The following SLC44A5 variants were observed in gnomAD, a reference collection of about 807,000 sequenced individuals.
SLC44A5 encodes the protein solute carrier family 44 member 5, also known as choline transporter-like protein 5.
SLC44A5 carries 57 observed loss-of-function variants against 101.8 expected under a neutral mutation model. The observed-to-expected ratio is 0.56, with a 90% CI of 0.45 to 0.70. SLC44A5 has a LOEUF of 0.70. Ranked by LOEUF, SLC44A5 falls within the 30% of genes least tolerant of loss-of-function variation. SLC44A5 has a pLI of 0.00. For missense variants in SLC44A5, 737 were observed against 853.1 expected (o/e 0.86, Z 1.70); for synonymous variants, 281 against 290.9 (o/e 0.97, Z 0.35).
chr1:75,306,834 A>G (rs1397451468), intron 4 of SLC44A5, among the ~76,000 whole-genome samples: 1 of 139,280 alleles, frequency 7.2e-6, no homozygotes, highest in Admixed American at 8.1e-5. Flanking sequence ...TCCCGGGTTC[A>G]CGCCATTCTC....
intron 2 of SLC44A5, among the ~76,000 whole-genome samples, chr1:75,481,432 C>T (rs906677677): frequency 3.6e-4 from 55 of 152,032 alleles, no homozygotes; most frequent in African/African-American, 1.3e-3. Context: ...AGAGCTTCTG[C>T]ACAGCAAAAG....
chr1:75,299,269 G>T, intron 5 of SLC44A5, among the ~76,000 whole-genome samples: 1 of 152,094 alleles, frequency 6.6e-6, no homozygotes, highest in Non-Finnish European at 1.5e-5. Context: ...TTAGCTTTGT[G>T]ATTTATGCTC....
rs183195250 is a variant in SLC44A5 at position 75,328,859 on chromosome 1, A to G, written c.101+10723T>C. Among the ~76,000 whole-genome samples the G allele has an allele frequency of 2.4e-3, 371 of 152,278 alleles. 1 individual carries two copies. The highest frequency in any genetic ancestry group is 8.6e-3 in the African/African-American group (357 of 41,556). ...TGCTCACGTGCTGTGATCCGCATGA[A>G]AAAGCTCCACCCTGGTTTCCTTTTA... On this transcript the variant is annotated intron_variant, in intron 4 of 23. Coordinates refer to ENST00000370859, the MANE Select transcript of SLC44A5 (RefSeq NM_001130058.2).
At chr1:75,325,824 A>G (rs1387161137) in intron 4 of SLC44A5, among the ~76,000 whole-genome samples, 1 of 149,692 alleles carries the variant, frequency 6.7e-6, no homozygotes, top group Non-Finnish European at 1.5e-5. Flanking sequence ...AGTGTTTCAA[A>G]TTTCAGATTT....
chr1:75,593,264 A>T (rs1674451830), intron 1 of SLC44A5, among the ~76,000 whole-genome samples: 1 of 152,122 alleles, frequency 6.6e-6, no homozygotes. Flanking sequence ...TCAGAGAAAT[A>T]CAAATCAAAA....
At chr1:75,590,982 C>T (rs1165501243) in intron 1 of SLC44A5, among the ~76,000 whole-genome samples, 1 of 152,138 alleles carries the variant, frequency 6.6e-6, no homozygotes, top group African/African-American at 2.4e-5. Context: ...TACAGCAGGA[C>T]TTTGGCGAGA....
intron 2 of SLC44A5, among the ~76,000 whole-genome samples, chr1:75,412,949 T>C (rs1237830540): frequency 1.3e-5 from 2 of 152,178 alleles, no homozygotes; most frequent in Admixed American, 1.3e-4. Flanking sequence ...AGAAGGTCAA[T>C]AGTAGCCTAA....
At chr1:75,292,002 A>T in intron 5 of SLC44A5, among the ~76,000 whole-genome samples, 1 of 136,470 alleles carries the variant, frequency 7.3e-6, no homozygotes, top group South Asian at 2.5e-4. Flanking sequence ...ACAGAGCGAG[A>T]CTCTGTCTCA....
intron 6 of SLC44A5, among the ~76,000 whole-genome samples, chr1:75,260,683 A>T (rs1438450199): frequency 6.6e-6 from 1 of 152,142 alleles, no homozygotes; most frequent in African/African-American, 2.4e-5. Context: ...CCTAATAGAC[A>T]TCTACAAAAC....
chr1:75,385,305 C>G (rs1177117191), intron 3 of SLC44A5, among the ~76,000 whole-genome samples: 3 of 143,880 alleles, frequency 2.1e-5, no homozygotes, highest in South Asian at 2.3e-4. Context: ...ATTGATAGAC[C>G]GCTAGCAAGA....
At chr1:75,330,302 C>T (rs1656952141) in intron 4 of SLC44A5, among the ~76,000 whole-genome samples, 1 of 151,848 alleles carries the variant, frequency 6.6e-6, no homozygotes, top group Non-Finnish European at 1.5e-5. Flanking sequence ...CACTCCAGCC[C>T]TGGGCCTTCC....
At chr1:75,478,798 T>C (rs1304133411) in intron 2 of SLC44A5, among the ~76,000 whole-genome samples, 4 of 152,086 alleles carry the variant, frequency 2.6e-5, no homozygotes, top group Admixed American at 2.0e-4. Context: ...CACACAATAA[T>C]AATGGAGACT....
intron 12 of SLC44A5, among the ~76,000 whole-genome samples, chr1:75,230,673 G>A (rs553003379): frequency 1.3e-5 from 2 of 152,140 alleles, no homozygotes; most frequent in African/African-American, 2.4e-5. Flanking sequence ...CTGGAGTGCA[G>A]TGGCATGATC....
chr1:75,601,605 C>A (rs1312450186), intron 1 of SLC44A5, among the ~76,000 whole-genome samples: 1 of 152,118 alleles, frequency 6.6e-6, no homozygotes, highest in East Asian at 1.9e-4. Flanking sequence ...AATATTATAA[C>A]AGGTAAGCAC....
intron 4 of SLC44A5, among the ~76,000 whole-genome samples, chr1:75,338,073 T>A (rs1458248933): frequency 6.6e-6 from 1 of 152,190 alleles, no homozygotes. Context: ...GCCAACTATG[T>A]CTTCCTGTAT....
intron 3 of SLC44A5, among the ~76,000 whole-genome samples, chr1:75,363,235 T>A (rs547399905): frequency 4.2e-4 from 64 of 152,210 alleles, no homozygotes; most frequent in Non-Finnish European, 8.2e-4. Context: ...GAGTTGGGTC[T>A]TATTTTTTTA....
chr1:75,485,680 C>A (rs558517411), intron 2 of SLC44A5, among the ~76,000 whole-genome samples: 17 of 152,242 alleles, frequency 1.1e-4, no homozygotes, highest in South Asian at 2.1e-4. Context: ...ACTCCCAGTA[C>A]CAATTTTTCC....
intron 1 of SLC44A5, among the ~76,000 whole-genome samples, chr1:75,593,660 A>T (rs1378672761): frequency 6.6e-6 from 1 of 152,152 alleles, no homozygotes; most frequent in African/African-American, 2.4e-5. Flanking sequence ...CAGCCATAAA[A>T]AAGGATGAGA....
chr1:75,277,117 T>C (rs1157057699), intron 5 of SLC44A5, among the ~76,000 whole-genome samples: 1 of 152,074 alleles, frequency 6.6e-6, no homozygotes, highest in African/African-American at 2.4e-5. Context: ...TCTCAAGAAA[T>C]ACACGAAAAG....
Sources: allele counts gnomAD v4.1 joint callset (sites outside exome capture counted in the v4.1 genomes callset), GRCh38; gene constraint gnomAD v4.1.1; transcripts MANE v1.5; gene names NCBI Gene and HGNC (gene_info 2026-07-23, HGNC 2026-07-21).